RNASET2: variants seen among roughly 807,000 people sequenced by gnomAD.
RNASET2 encodes ribonuclease T2, also known as ribonuclease 6.
Under a neutral mutation model 33.9 loss-of-function variants are expected in RNASET2, and 28 were observed. The observed-to-expected ratio is 0.83, with a 90% CI of 0.61 to 1.13. RNASET2 has a LOEUF of 1.13. Ranked by LOEUF, RNASET2 falls within the 50% of genes most tolerant of loss-of-function variation. RNASET2 has a pLI of 0.00. For missense variants in RNASET2, 330 were observed against 319.9 expected (o/e 1.03, Z -0.24); for synonymous variants, 123 against 121.0 (o/e 1.02, Z -0.11).
At chr6:166,955,853 G>A (rs969307881) in intron 1 of RNASET2, 4 of 829,042 alleles carry the variant, frequency 4.8e-6, no homozygotes, top group African/African-American at 3.7e-5. Flanking sequence ...CCTTCCCAGA[G>A]GTCACTTCTG....
In RNASET2 at chr6:166,948,614, G is replaced by A. The variant is rs767762786; in HGVS notation, c.159C>T (p.Asn53=). The change falls in exon 3 of 9, where the codon AAC becomes AAT. Residue 53 remains asparagine, a synonymous_variant. Coordinates refer to ENST00000508775, the MANE Select transcript of RNASET2 (RefSeq NM_003730.6). The stretch of plus-strand genomic sequence containing the variant: ...AGTAATCCGGAGGGTCTCTACAGTC[G>A]TTTTGAATTTTCTAGGGAGAAAATA... ...WPETVCEKIQ[N]DCRDPPDYWT... The A allele has an allele frequency of 1.3e-5, 20 of 1,591,176 alleles. No homozygotes were observed. Among genetic ancestry groups the A allele is most frequent in the African/African-American group, 4.0e-5 (3 of 74,362 alleles).
At chr6:166,950,629 C>T (rs999187288) in intron 2 of RNASET2, among the ~76,000 whole-genome samples, 15 of 152,206 alleles carry the variant, frequency 9.9e-5, no homozygotes, top group South Asian at 2.1e-4. Flanking sequence ...CTTGACACAC[C>T]GAGCAGGGTA....
rs1216775331 is a variant in RNASET2, at chr6:166,925,606, A to G, written c.*3982T>C. 6.6e-6 allele frequency among the ~76,000 whole-genome samples: 1 copy of G among 152,108 alleles called. No homozygotes were observed. Among genetic ancestry groups the G allele is most frequent in the African/African-American group, 2.4e-5 (1 of 41,408 alleles). On this transcript the variant is annotated 3_prime_UTR_variant, in exon 9 of 9. Transcript: ENST00000508775. The stretch of plus-strand genomic sequence containing the variant: ...TCCTCACCTATGCCACATTGTCCGC[A>G]TCTACACTGTACGGCCCTCCCCTGT...
chr6:166,952,905 A>C, intron 1 of RNASET2: 1 of 312,422 alleles, frequency 3.2e-6, no homozygotes, highest in Non-Finnish European at 6.3e-6. Flanking sequence ...CTCAAGAGAA[A>C]TGCAGACCCA....
At position 166,934,111 on chromosome 6, in the gene RNASET2, G is replaced by C. The variant is rs758461719; in HGVS notation, c.472C>G (p.Pro158Ala). 1.1e-5 allele frequency: 18 copies of C among 1,608,634 alleles called. No individual in the cohort carries two copies. Among genetic ancestry groups the C allele is most frequent in the Non-Finnish European group, 1.5e-5 (18 of 1,175,234 alleles). The part of the protein sequence containing the change: ...NSVLLKLGIK[P>A]SINYYQVADF... Reference sequence around the variant, plus strand: ...CTTACTTGGTAGTAATTGATGGATGGTTTTATCCCCAATTTTAGAAGCACA... The same window carrying C: ...CTTACTTGGTAGTAATTGATGGATGCTTTTATCCCCAATTTTAGAAGCACA... Residue 158 changes from proline to alanine, a missense_variant, in exon 7 of 9, where the codon CCA (proline) becomes GCA (alanine). Pro to Ala is a conservative substitution (Grantham distance 27). Coordinates refer to ENST00000508775, the MANE Select transcript of RNASET2 (RefSeq NM_003730.6).
intron 3 of RNASET2, among the ~76,000 whole-genome samples, chr6:166,947,498 A>G (rs1778876834): frequency 6.6e-6 from 1 of 152,184 alleles, no homozygotes; most frequent in South Asian, 2.1e-4. Context: ...ACTGGACAGC[A>G]TTGCAAAGCT....
chr6:166,951,429 T>A (rs1778981597), intron 2 of RNASET2, among the ~76,000 whole-genome samples: 1 of 152,206 alleles, frequency 6.6e-6, no homozygotes, highest in African/African-American at 2.4e-5. Context: ...CTGCTCTAAC[T>A]CCCTTTCCCA....
At position 166,922,443 on chromosome 6, in the gene RNASET2, G is replaced by A. The variant is rs79911115; in HGVS notation, c.*7145C>T. Among the ~76,000 whole-genome samples, 1,556 of 152,214 alleles carry A rather than the reference G, an allele frequency of 0.01. 26 individuals carry two copies. Among genetic ancestry groups the A allele is most frequent in the African/African-American group, 0.036 (1,475 of 41,532 alleles). ...GGAATTGCCATAGGCTAGAGTCTCA[G>A]GTGTATAAAATTTCACTCATTGACT... On this transcript the variant is annotated 3_prime_UTR_variant, in exon 9 of 9. Transcript: ENST00000508775.
At chr6:166,945,843 A>AGAAAAG (rs1554268875) in intron 4 of RNASET2, among the ~76,000 whole-genome samples, 3 of 146,258 alleles carry the variant, frequency 2.1e-5, no homozygotes, top group African/African-American at 8.1e-5. Flanking sequence ...AAAAAAAAAA[A>AGAAAAG]AAAAGAAAAG....
At chr6:166,930,578 TGCACACACAC>T (rs1377642849) in intron 8 of RNASET2, among the ~76,000 whole-genome samples, 2 of 145,710 alleles carry the variant, frequency 1.4e-5, no homozygotes, top group South Asian at 2.2e-4. Flanking sequence ...TGCACACACA[TGCACACACAC>T]AGCACATGCA....
At chr6:166,930,733 C>A (rs563397276) in intron 8 of RNASET2, among the ~76,000 whole-genome samples, 1 of 150,988 alleles carries the variant, frequency 6.6e-6, no homozygotes, top group African/African-American at 2.4e-5. Flanking sequence ...CAGCACATGC[C>A]CACATAATGT....
rs1475773111 is a variant in RNASET2 at position 166,926,423 on chromosome 6, A to G, written c.*3165T>C. ...CATGGTGGCGTGCCTAGTCCCAGCT[A>G]CTCGGGAGGCTGAGGCAGAAGAATT... is the stretch of plus-strand genomic sequence containing the variant. On this transcript the variant is annotated 3_prime_UTR_variant, in exon 9 of 9. Coordinates refer to ENST00000508775, the MANE Select transcript of RNASET2 (RefSeq NM_003730.6). Among the ~76,000 whole-genome samples, 2 of 151,514 alleles carry G rather than the reference A, an allele frequency of 1.3e-5. No individual in the cohort carries two copies. The highest frequency in any genetic ancestry group is 2.9e-5 in the Non-Finnish European group (2 of 67,938).
intron 2 of RNASET2, among the ~76,000 whole-genome samples, chr6:166,950,642 C>A (rs1224940436): frequency 6.6e-6 from 1 of 152,210 alleles, no homozygotes; most frequent in African/African-American, 2.4e-5. Context: ...GCAGGGTACG[C>A]CCTGAGGTGC....
At chr6:166,946,913 G>A (rs1052132587) in intron 3 of RNASET2, 174 bp from the exon 4 acceptor site, 1 of 672,644 alleles carries the variant, frequency 1.5e-6, no homozygotes, top group Non-Finnish European at 2.7e-6. Context: ...CAGGTAAGAG[G>A]AGTCAGAGTT....
chr6:166,930,000 G>T (rs529658048), intron 8 of RNASET2, among the ~76,000 whole-genome samples: 1 of 152,300 alleles, frequency 6.6e-6, no homozygotes, highest in South Asian at 2.1e-4. Flanking sequence ...CTCGCCTGTG[G>T]GCAGTGGAGC....
At chr6:166,944,058 T>C (rs572243378) in intron 4 of RNASET2, 3 of 166,506 alleles carry the variant, frequency 1.8e-5, no homozygotes, top group African/African-American at 7.2e-5. Flanking sequence ...AGTCGGAGGT[T>C]GCAGTGAGCC....
rs58163761 is a variant in RNASET2, at chr6:166,934,330, A to G, written c.447-194T>C. The G allele has an allele frequency of 1.2e-3, 745 of 601,282 alleles. 1 individual carries two copies. The African/African-American group carries it at 0.013, about 10-fold the overall frequency. The allele number at this position is 601,282 out of a possible 1,614,324, so 37.2% of individuals were successfully genotyped here. On this transcript the variant is annotated intron_variant, in intron 6 of 8. Coordinates refer to ENST00000508775, the MANE Select transcript of RNASET2 (RefSeq NM_003730.6). The stretch of plus-strand genomic sequence containing the variant: ...CCAGTCCCCGCCTTCCCCACCCCTT[A>G]GCACACACACAAACTGCTCCAGGCA...
chr6:166,937,158 G>A (rs1050135340), intron 6 of RNASET2, among the ~76,000 whole-genome samples: 1 of 151,498 alleles, frequency 6.6e-6, no homozygotes, highest in Non-Finnish European at 1.5e-5. Flanking sequence ...TTTTTTTTGA[G>A]ACAGTTTTGC....
chr6:166,956,054 C>T (rs1286683127), intron 1 of RNASET2, 43 bp downstream of exon 1: 1 of 1,531,752 alleles, frequency 6.5e-7, no homozygotes, highest in South Asian at 1.2e-5. Context: ...AGCTCTAGGG[C>T]CCGGCTCCCA....
Sources: gnomAD v4.1 joint callset for allele counts (sites outside exome capture counted in the v4.1 genomes callset) on GRCh38, gnomAD v4.1.1 for gene constraint, MANE v1.5 for transcripts, NCBI Gene and HGNC (gene_info 2026-07-23, HGNC 2026-07-21) for gene names.